Variants in CATSPERT observed in about 807,000 individuals in gnomAD.
The protein encoded by CATSPERT is catsper channel auxiliary subunit tau, also known as cation channel sperm-associated targeting subunit tau.
the CATSPERT span, among the ~76,000 whole-genome samples, chr2:201,515,202 G>GTTTTTTTTTT: frequency 3.4e-3 from 85 of 24,672 alleles, 30 homozygotes; most frequent in Admixed American, 0.021. Flanking sequence ...TCTGCCCATA[G>GTTTTTTTTTT]TTTTTTTTTT....
the CATSPERT span, among the ~76,000 whole-genome samples, chr2:201,518,016 T>C: frequency 5.3e-5 from 8 of 152,218 alleles, no homozygotes; most frequent in Non-Finnish European, 7.3e-5. Context: ...TACAGATTCA[T>C]AGCTCAAAAA....
the CATSPERT span, among the ~76,000 whole-genome samples, chr2:201,561,425 A>C: frequency 1.3e-5 from 2 of 152,250 alleles, no homozygotes; most frequent in Non-Finnish European, 2.9e-5. Context: ...CTTCTGGGAA[A>C]CAGGCAGGAG....
At chr2:201,539,401 A>G in the CATSPERT span, among the ~76,000 whole-genome samples, 6 of 150,832 alleles carry the variant, frequency 4.0e-5, no homozygotes, top group African/African-American at 7.3e-5. Context: ...TTTGATTCAC[A>G]TTTCTCTAAT....
the CATSPERT span, among the ~76,000 whole-genome samples, chr2:201,584,281 C>T: frequency 6.6e-6 from 1 of 151,848 alleles, no homozygotes; most frequent in South Asian, 2.1e-4. Context: ...CAGAGGGAGA[C>T]CCTGTCTCAA....
At chr2:201,560,939 C>G in the CATSPERT span, among the ~76,000 whole-genome samples, 3 of 152,070 alleles carry the variant, frequency 2.0e-5, no homozygotes, top group South Asian at 6.2e-4. Context: ...CCCGCCACCA[C>G]GCCTGGCTAA....
the CATSPERT span, among the ~76,000 whole-genome samples, chr2:201,613,893 C>T: frequency 2.6e-5 from 4 of 152,024 alleles, no homozygotes; most frequent in Admixed American, 1.3e-4. Flanking sequence ...AACCATGGCA[C>T]GAGAACTATG....
At chr2:201,590,813 G>A in the CATSPERT span, among the ~76,000 whole-genome samples, 15 of 151,542 alleles carry the variant, frequency 9.9e-5, no homozygotes, top group South Asian at 2.1e-4. Context: ...CATGTCCTTT[G>A]CCCACTTTTT....
At chr2:201,502,079 A>T in the CATSPERT span, among the ~76,000 whole-genome samples, 28 of 152,314 alleles carry the variant, frequency 1.8e-4, no homozygotes, top group African/African-American at 6.5e-4. Context: ...TGTTCCCTCC[A>T]GTTCCATAAA....
chr2:201,610,771 A>G, the CATSPERT span, among the ~76,000 whole-genome samples: 1 of 152,020 alleles, frequency 6.6e-6, no homozygotes, highest in Non-Finnish European at 1.5e-5. Context: ...ATATATATAT[A>G]CCATGATCAT....
the CATSPERT span, among the ~76,000 whole-genome samples, chr2:201,593,574 G>T: frequency 3.3e-5 from 3 of 91,656 alleles, no homozygotes; most frequent in Non-Finnish European, 4.5e-5. Context: ...TGTTGACAGT[G>T]GGGTGTTAAA....
the CATSPERT span, chr2:201,535,717 TTA>T: frequency 7.5e-7 from 1 of 1,328,708 alleles, no homozygotes; most frequent in Non-Finnish European, 9.6e-7. Context: ...TTTAATATAC[TTA>T]GACACATTTC....
the CATSPERT span, among the ~76,000 whole-genome samples, chr2:201,532,731 G>A: frequency 6.6e-6 from 1 of 152,158 alleles, no homozygotes; most frequent in African/African-American, 2.4e-5. Flanking sequence ...ATTACAAAAG[G>A]CCAGTGAAAA....
the CATSPERT span, among the ~76,000 whole-genome samples, chr2:201,596,947 C>G: frequency 1.3e-5 from 2 of 152,162 alleles, no homozygotes; most frequent in Non-Finnish European, 2.9e-5. Flanking sequence ...ACATCTGGGT[C>G]ATCTGTGGGT....
the CATSPERT span, among the ~76,000 whole-genome samples, chr2:201,580,258 G>A: frequency 2.0e-5 from 3 of 152,068 alleles, no homozygotes; most frequent in Non-Finnish European, 2.9e-5. Flanking sequence ...TGCTAAATTC[G>A]AGCTCTTGGT....
At chr2:201,510,383 G>A in the CATSPERT span, among the ~76,000 whole-genome samples, 2 of 152,184 alleles carry the variant, frequency 1.3e-5, no homozygotes, top group African/African-American at 2.4e-5. Context: ...GGAGGAGGTT[G>A]CAGTGAGCCA....
At chr2:201,501,805 CAT>C in the CATSPERT span, among the ~76,000 whole-genome samples, 3 of 152,150 alleles carry the variant, frequency 2.0e-5, no homozygotes, top group Admixed American at 6.5e-5. Flanking sequence ...GAAATAAACA[CAT>C]CTCTTAAAAA....
the CATSPERT span, among the ~76,000 whole-genome samples, chr2:201,561,249 A>AATGGAATGCCATG: frequency 6.6e-6 from 1 of 152,260 alleles, no homozygotes; most frequent in Non-Finnish European, 1.5e-5. Flanking sequence ...ATATTCACCA[A>AATGGAATGCCATG]ATGGAATGCC....
the CATSPERT span, chr2:201,535,690 T>G: frequency 8.1e-7 from 1 of 1,231,074 alleles, no homozygotes; most frequent in Non-Finnish European, 1.0e-6. Context: ...TTGATTGATA[T>G]AAGTAAAGCA....
the CATSPERT span, chr2:201,572,032 G>C: frequency 1.9e-6 from 3 of 1,583,076 alleles, no homozygotes; most frequent in Admixed American, 3.4e-5. Flanking sequence ...TGAAAAAAAT[G>C]TAAGTGTATT....
Sources: gnomAD v4.1 joint callset for allele counts (sites outside exome capture counted in the v4.1 genomes callset) on GRCh38, gnomAD v4.1.1 for gene constraint, MANE v1.5 for transcripts, NCBI Gene and HGNC (gene_info 2026-07-23, HGNC 2026-07-21) for gene names.